Variants in DGKB observed in about 807,000 individuals in gnomAD.
DGKB encodes diacylglycerol kinase beta, also known as 90 kDa diacylglycerol kinase.
In DGKB, 67 loss-of-function variants were observed where a neutral mutation model predicts 114.3. The observed-to-expected ratio is 0.59, with a 90% CI of 0.48 to 0.72. The LOEUF (loss-of-function observed/expected upper bound fraction) is 0.72, where lower values mean the gene tolerates loss of function less well. DGKB is among the 30% of genes least tolerant of loss of function. The probability of loss-of-function intolerance (pLI) is 0.00; values close to 1 mark genes in which losing one functional copy is unlikely to be tolerated. For synonymous variants in DGKB, 398 were observed against 323.1 expected (o/e 1.23, Z -2.49); for missense variants, 907 against 975.2 (o/e 0.93, Z 0.93).
rs190172497 is a variant in DGKB at position 14,935,578 on chromosome 7, T to A, written c.-188+39118A>T. On this transcript the variant is annotated intron_variant, in intron 1 of 4. Transcript: ENST00000437998. Reference sequence around the variant, plus strand: ...TATAGAAAATGAGGAAACGAGTGAATGTAAAATAGTTACTATGTACATGAT... The same window carrying A: ...TATAGAAAATGAGGAAACGAGTGAAAGTAAAATAGTTACTATGTACATGAT... Among the ~76,000 whole-genome samples, 335 of 152,288 alleles carry A rather than the reference T, an allele frequency of 2.2e-3. 1 individual carries two copies. The highest frequency in any genetic ancestry group is 7.3e-3 in the African/African-American group (302 of 41,580).
intron 23 of DGKB, among the ~76,000 whole-genome samples, chr7:14,295,013 T>TAATAGG (rs1802318134): frequency 6.6e-6 from 1 of 152,140 alleles, no homozygotes; most frequent in African/African-American, 2.4e-5. Flanking sequence ...AGGGCATCCA[T>TAATAGG]CAACAGGTAT....
At chr7:14,748,147 G>T (rs1833622082) in intron 4 of DGKB, among the ~76,000 whole-genome samples, 1 of 152,082 alleles carries the variant, frequency 6.6e-6, no homozygotes, top group African/African-American at 2.4e-5. Flanking sequence ...AGTGTTCTTT[G>T]AGCACCCACT....
At chr7:14,653,079 T>C (rs1585373192) in intron 13 of DGKB, among the ~76,000 whole-genome samples, 2 of 151,066 alleles carry the variant, frequency 1.3e-5, no homozygotes, top group African/African-American at 2.4e-5. Flanking sequence ...AGTTCAACCA[T>C]TGTGGAAGTC....
chr7:14,597,619 A>G (rs752949862), intron 17 of DGKB, among the ~76,000 whole-genome samples: 1 of 152,138 alleles, frequency 6.6e-6, no homozygotes, highest in Non-Finnish European at 1.5e-5. Context: ...TTAAATTTTC[A>G]TGCTCCTTGA....
At chr7:14,391,059 A>G (rs1201145060) in intron 21 of DGKB, among the ~76,000 whole-genome samples, 1 of 152,164 alleles carries the variant, frequency 6.6e-6, no homozygotes, top group Non-Finnish European at 1.5e-5. Flanking sequence ...AAATTCAGTA[A>G]AAATCAACCT....
chr7:14,652,377 T>C lies in DGKB; in HGVS notation c.1134+20552A>G, dbSNP rs532164289. On this transcript the variant is annotated intron_variant, in intron 13 of 25. Coordinates refer to ENST00000402815, the MANE Select transcript of DGKB (RefSeq NM_001350709.2). ...TACAACTATCCGATCTTTGACAAAC[T>C]TGAGAAAAACAAGCAATGGGGAAAG... is the stretch of plus-strand genomic sequence containing the variant. Among the ~76,000 whole-genome samples, 699 of 151,904 alleles carry C rather than the reference T, an allele frequency of 4.6e-3. 5 individuals carry two copies. Among genetic ancestry groups the C allele is most frequent in the African/African-American group, 0.016 (670 of 41,436 alleles).
At chr7:14,436,078 A>G (rs978254290) in intron 21 of DGKB, among the ~76,000 whole-genome samples, 3 of 152,124 alleles carry the variant, frequency 2.0e-5, no homozygotes, top group African/African-American at 4.8e-5. Context: ...CTTAGATACT[A>G]TAGACTTTTA....
At chr7:14,725,156 C>A (rs1459698802) in intron 5 of DGKB, among the ~76,000 whole-genome samples, 1 of 152,086 alleles carries the variant, frequency 6.6e-6, no homozygotes, top group Non-Finnish European at 1.5e-5. Context: ...ACAAACAGAG[C>A]AAGATTCTGT....
At chr7:14,750,805 TTTTTTTTTTTTC>T (rs1834003242) in intron 4 of DGKB, among the ~76,000 whole-genome samples, 1 of 133,094 alleles carries the variant, frequency 7.5e-6, no homozygotes, top group African/African-American at 3.1e-5. Flanking sequence ...TTTTTTTTTT[TTTTTTTTTTTTC>T]TGAGACAGAG....
chr7:14,879,918 A>T (rs971586550), intron 1 of DGKB, among the ~76,000 whole-genome samples: 2 of 152,208 alleles, frequency 1.3e-5, no homozygotes, highest in African/African-American at 2.4e-5. Context: ...TTTCTAGTTC[A>T]TCATGCCCAG....
upstream of DGKB, among the ~76,000 whole-genome samples, chr7:14,904,118 A>G (rs1783519852): frequency 6.6e-6 from 1 of 152,134 alleles, no homozygotes; most frequent in Non-Finnish European, 1.5e-5. Flanking sequence ...TCCCCCAAAG[A>G]ATAGAATACT....
chr7:14,728,757 G>C (rs939461576), intron 5 of DGKB, among the ~76,000 whole-genome samples: 1 of 150,202 alleles, frequency 6.7e-6, no homozygotes. Context: ...AGGCTGGAGT[G>C]CAGTGGCGCC....
At position 14,924,818 on chromosome 7, in the gene DGKB, C is replaced by G. The variant is rs185312929; in HGVS notation, c.-188+49878G>C. On this transcript the variant is annotated intron_variant, in intron 1 of 4. Coordinates refer to the DGKB transcript ENST00000437998. The stretch of plus-strand genomic sequence containing the variant: ...ACAGAAACACTGAAGTACCCTTTAC[C>G]CAGCTCCTCTCATGGGAAACTTTAC... Among the ~76,000 whole-genome samples, 3 of 152,130 alleles carry G rather than the reference C, an allele frequency of 2.0e-5. No homozygotes were observed. The East Asian group carries it at 5.8e-4, about 29-fold the overall frequency.
chr7:14,753,625 C>G (rs1379568534), intron 4 of DGKB, among the ~76,000 whole-genome samples: 2 of 152,078 alleles, frequency 1.3e-5, no homozygotes, highest in Non-Finnish European at 1.5e-5. Flanking sequence ...AATAGCACAG[C>G]CTTATATATC....
At chr7:14,288,561 T>G (rs1182728810) in intron 23 of DGKB, among the ~76,000 whole-genome samples, 4 of 152,074 alleles carry the variant, frequency 2.6e-5, no homozygotes, top group Non-Finnish European at 1.5e-5. Context: ...TAATCATTCA[T>G]TACTCTCTCC....
chr7:14,204,709 A>G (rs1584434916), intron 23 of DGKB, among the ~76,000 whole-genome samples: 1 of 152,150 alleles, frequency 6.6e-6, no homozygotes, highest in Non-Finnish European at 1.5e-5. Context: ...AATAGCCAAG[A>G]CCTGTGTTGT....
chr7:14,891,647 G>A (rs1184118034), intron 1 of DGKB, among the ~76,000 whole-genome samples: 4 of 151,468 alleles, frequency 2.6e-5, no homozygotes, highest in Non-Finnish European at 4.4e-5. Flanking sequence ...TAGGGTTAAC[G>A]TCATTGAGGA....
chr7:14,675,734 A>C (rs909806305), intron 12 of DGKB, among the ~76,000 whole-genome samples: 1 of 152,044 alleles, frequency 6.6e-6, no homozygotes, highest in Non-Finnish European at 1.5e-5. Context: ...TCATCTGTTA[A>C]ACAGAGTCAC....
chr7:14,654,504 G>C (rs1052795528), intron 13 of DGKB, among the ~76,000 whole-genome samples: 1 of 151,808 alleles, frequency 6.6e-6, no homozygotes, highest in Admixed American at 6.6e-5. Context: ...ATTAAAAATT[G>C]CAATTACATT....
Sources: gnomAD v4.1 joint callset for allele counts (sites outside exome capture counted in the v4.1 genomes callset) on GRCh38, gnomAD v4.1.1 for gene constraint, MANE v1.5 for transcripts, NCBI Gene and HGNC (gene_info 2026-07-23, HGNC 2026-07-21) for gene names.